CTNNA3: variants seen among roughly 807,000 people sequenced by gnomAD.
CTNNA3 encodes catenin alpha 3, also known as catenin alpha-3.
A neutral mutation model predicts 95.7 loss-of-function variants in CTNNA3; 76 were observed. That is an observed-to-expected ratio of 0.79 (90% CI 0.66 to 0.96). The LOEUF (loss-of-function observed/expected upper bound fraction) is 0.96, where lower values mean the gene tolerates loss of function less well. Among genes scored for constraint, CTNNA3 ranks in the 40% least tolerant of loss-of-function variants. The probability of loss-of-function intolerance (pLI) is 0.00; values close to 1 mark genes in which losing one functional copy is unlikely to be tolerated. For synonymous variants in CTNNA3, 431 were observed against 374.4 expected (o/e 1.15, Z -1.74); for missense variants, 1,191 against 1,089.8 (o/e 1.09, Z -1.31).
chr10:67,460,718 A>T (rs1364575466), intron 5 of CTNNA3, among the ~76,000 whole-genome samples: 2 of 152,130 alleles, frequency 1.3e-5, no homozygotes, highest in East Asian at 1.9e-4. Context: ...AGGAAAAAAA[A>T]GACTTTAAAA....
At chr10:66,868,584 C>T (rs71496020) in intron 7 of CTNNA3, among the ~76,000 whole-genome samples, 1 of 151,440 alleles carries the variant, frequency 6.6e-6, no homozygotes. Context: ...AACCCCATCT[C>T]TACTAAAAAT....
At chr10:66,365,414 A>G (rs1424146331) in intron 12 of CTNNA3, among the ~76,000 whole-genome samples, 4 of 152,176 alleles carry the variant, frequency 2.6e-5, no homozygotes, top group African/African-American at 9.6e-5. Flanking sequence ...GAGGGATAAC[A>G]TTGGTAGAAA....
chr10:66,154,718 T>TTATATA (rs1564706824), intron 13 of CTNNA3, among the ~76,000 whole-genome samples: 1 of 16,410 alleles, frequency 6.1e-5, no homozygotes, highest in African/African-American at 2.5e-4. Context: ...TTGAAAAAGT[T>TTATATA]CATATATATA....
At chr10:66,680,575 T>C (rs1847033236) in intron 9 of CTNNA3, among the ~76,000 whole-genome samples, 1 of 152,178 alleles carries the variant, frequency 6.6e-6, no homozygotes, top group Non-Finnish European at 1.5e-5. Flanking sequence ...GGGATGTATT[T>C]TATCTCCCAA....
intron 1 of CTNNA3, among the ~76,000 whole-genome samples, chr10:67,712,874 G>T (rs78065684): frequency 6.6e-6 from 1 of 152,118 alleles, no homozygotes; most frequent in Non-Finnish European, 1.5e-5. Context: ...ATAGGCATGA[G>T]CAAAGACCTC....
At chr10:66,627,728 A>ACAG (rs1844988453) in intron 9 of CTNNA3, among the ~76,000 whole-genome samples, 1 of 152,154 alleles carries the variant, frequency 6.6e-6, no homozygotes, top group Non-Finnish European at 1.5e-5. Context: ...AAGGAAGGAG[A>ACAG]CAGTCATATC....
At chr10:66,938,930 G>A (rs915531476) in intron 7 of CTNNA3, among the ~76,000 whole-genome samples, 3 of 152,046 alleles carry the variant, frequency 2.0e-5, no homozygotes, top group Non-Finnish European at 2.9e-5. Flanking sequence ...ATCTCTCCCC[G>A]TCCACATCCT....
At chr10:66,781,683 G>T (rs1840542175) in intron 7 of CTNNA3, among the ~76,000 whole-genome samples, 1 of 152,180 alleles carries the variant, frequency 6.6e-6, no homozygotes, top group South Asian at 2.1e-4. Flanking sequence ...GACTACAAAT[G>T]TCTTGAACTT....
chr10:67,727,551 CAT>C (rs894002561), intron 1 of CTNNA3, among the ~76,000 whole-genome samples: 1 of 123,794 alleles, frequency 8.1e-6, no homozygotes, highest in African/African-American at 3.0e-5. Flanking sequence ...TATAATAGAT[CAT>C]ATATAATATA....
chr10:67,635,625 C>A (rs1839285888), intron 2 of CTNNA3, among the ~76,000 whole-genome samples: 1 of 152,102 alleles, frequency 6.6e-6, no homozygotes, highest in African/African-American at 2.4e-5. Flanking sequence ...AACATCCCTT[C>A]ATGTTAAAAA....
chr10:66,545,337 C>T (rs979895090), intron 10 of CTNNA3, among the ~76,000 whole-genome samples: 1 of 151,892 alleles, frequency 6.6e-6, no homozygotes, highest in Non-Finnish European at 1.5e-5. Context: ...TTATTTCTTG[C>T]TTATTTTAGT....
chr10:67,011,983 C>T (rs912434128), intron 7 of CTNNA3, among the ~76,000 whole-genome samples: 1 of 152,100 alleles, frequency 6.6e-6, no homozygotes, highest in Non-Finnish European at 1.5e-5. Context: ...CCTCCTCTGT[C>T]ATTTCAAGAA....
At chr10:67,001,059 T>C (rs1851654799) in intron 7 of CTNNA3, among the ~76,000 whole-genome samples, 1 of 151,894 alleles carries the variant, frequency 6.6e-6, no homozygotes, top group Non-Finnish European at 1.5e-5. Flanking sequence ...TCCCAGCACT[T>C]TGGGAGGCCG....
chr10:66,113,774 A>G (rs976210138), intron 13 of CTNNA3, among the ~76,000 whole-genome samples: 1 of 152,176 alleles, frequency 6.6e-6, no homozygotes, highest in Admixed American at 6.6e-5. Context: ...TAGATCACAA[A>G]TCTCTTATAG....
chr10:66,760,291 C>A (rs185776600), intron 9 of CTNNA3, among the ~76,000 whole-genome samples: 106 of 152,246 alleles, frequency 7.0e-4, no homozygotes, highest in Middle Eastern at 3.4e-3. Context: ...GGAAGTCTAA[C>A]CCGTGCAGCC....
At position 65,920,587 on chromosome 10, in the gene CTNNA3, C is replaced by A. The variant is rs914110946; in HGVS notation, c.2431G>T (p.Ala811Ser). Residue 811 changes from alanine to serine, a missense_variant, in exon 18 of 18, where the codon GCC becomes TCC. Transcript: ENST00000433211. ...LDSVTSLIQA[A>S]KNLMNAVVQT... ...ACTACAGCATTCATTAAATTTTTGG[C>A]TGCTTGGATCAGGGATGTGACACTG... 4.3e-6 allele frequency: 7 copies of A among 1,614,048 alleles called. No individual in the cohort carries two copies. Among genetic ancestry groups the A allele is most frequent in the Non-Finnish European group, 5.9e-6 (7 of 1,179,960 alleles).
intron 7 of CTNNA3, among the ~76,000 whole-genome samples, chr10:66,883,235 G>A (rs989528045): frequency 2.0e-5 from 3 of 152,108 alleles, no homozygotes; most frequent in African/African-American, 4.8e-5. Flanking sequence ...GTGGTACAGC[G>A]AGTGCTCAGA....
At chr10:66,739,858 T>A (rs1224339990) in intron 9 of CTNNA3, among the ~76,000 whole-genome samples, 1 of 152,200 alleles carries the variant, frequency 6.6e-6, no homozygotes, top group East Asian at 1.9e-4. Context: ...TATATACATA[T>A]GTGTATACAT....
intron 10 of CTNNA3, among the ~76,000 whole-genome samples, chr10:66,546,114 C>T (rs1020566417): frequency 4.6e-5 from 7 of 151,700 alleles, no homozygotes; most frequent in Non-Finnish European, 8.8e-5. Context: ...ATAATTATCT[C>T]CTGTTTATTT....
Sources: gnomAD v4.1 joint callset for allele counts (sites outside exome capture counted in the v4.1 genomes callset) on GRCh38, gnomAD v4.1.1 for gene constraint, MANE v1.5 for transcripts, NCBI Gene and HGNC (gene_info 2026-07-23, HGNC 2026-07-21) for gene names.